RARB: variants seen among roughly 807,000 people sequenced by gnomAD.
RARB encodes HBV-activated protein.
In RARB, 17 loss-of-function variants were observed where a neutral mutation model predicts 51.9. The ratio of observed to expected loss-of-function variants is 0.33; its 90% CI spans 0.22 to 0.49. The LOEUF (loss-of-function observed/expected upper bound fraction) is 0.49, where lower values mean the gene tolerates loss of function less well. Among genes scored for constraint, RARB ranks in the 20% least tolerant of loss-of-function variants. The probability of loss-of-function intolerance (pLI) is 0.99; values close to 1 mark genes in which losing one functional copy is unlikely to be tolerated. For synonymous variants in RARB, 215 were observed against 195.4 expected (o/e 1.10, Z -0.84); for missense variants, 369 against 550.8 (o/e 0.67, Z 3.30).
intron 5 of RARB, among the ~76,000 whole-genome samples, chr3:25,328,336 A>G (rs1559359016): frequency 6.6e-6 from 1 of 152,216 alleles, no homozygotes; most frequent in African/African-American, 2.4e-5. Flanking sequence ...CCTGCCCAAC[A>G]GGGCAAAACC....
chr3:24,915,929 AG>A (rs1695097868), intron 2 of RARB, among the ~76,000 whole-genome samples: 1 of 152,178 alleles, frequency 6.6e-6, no homozygotes, highest in Admixed American at 6.5e-5. Flanking sequence ...GAGAGGCTGC[AG>A]AAAAGCAAGT....
chr3:25,301,677 G>T (rs1704042139), intron 5 of RARB, among the ~76,000 whole-genome samples: 1 of 152,286 alleles, frequency 6.6e-6, no homozygotes, highest in African/African-American at 2.4e-5. Context: ...CTAGAAGCAG[G>T]ACTTAAAGTG....
At chr3:25,435,706 G>T (rs1708404967) in intron 1 of RARB, among the ~76,000 whole-genome samples, 1 of 152,096 alleles carries the variant, frequency 6.6e-6, no homozygotes, top group Non-Finnish European at 1.5e-5. Context: ...ACAAGAAGCT[G>T]TATAAAAAGG....
At chr3:25,314,868 A>G (rs1371364262) in intron 5 of RARB, among the ~76,000 whole-genome samples, 2 of 152,094 alleles carry the variant, frequency 1.3e-5, no homozygotes, top group African/African-American at 4.8e-5. Context: ...CTTGTAGTCC[A>G]CAGTGTCTGT....
chr3:25,308,444 C>A (rs1253068464), intron 5 of RARB, among the ~76,000 whole-genome samples: 5 of 131,268 alleles, frequency 3.8e-5, no homozygotes, highest in Admixed American at 3.8e-4. Flanking sequence ...GGTTTTCTTT[C>A]TTTCTTTTTT....
At chr3:25,305,813 G>A (rs1192414867) in intron 5 of RARB, among the ~76,000 whole-genome samples, 2 of 152,180 alleles carry the variant, frequency 1.3e-5, no homozygotes, top group Admixed American at 6.5e-5. Flanking sequence ...AAGGGACTTT[G>A]GGTGTTATAT....
At chr3:24,855,918 AT>A (rs1702628309) in intron 1 of RARB, among the ~76,000 whole-genome samples, 1 of 151,584 alleles carries the variant, frequency 6.6e-6, no homozygotes, top group Non-Finnish European at 1.5e-5. Context: ...CGCCCAGCTA[AT>A]TTTTGTATTT....
At chr3:25,172,979 G>A (rs960144954) in intron 4 of RARB, among the ~76,000 whole-genome samples, 1 of 152,146 alleles carries the variant, frequency 6.6e-6, no homozygotes, top group African/African-American at 2.4e-5. Context: ...CTAGAATCAC[G>A]CTCTTAACAA....
chr3:25,238,156 C>CG (rs372680571), intron 5 of RARB, among the ~76,000 whole-genome samples: 1 of 151,866 alleles, frequency 6.6e-6, no homozygotes. Context: ...CAGCGCCCCC[C>CG]CACACATCCT....
chr3:25,050,821 A>G (rs1156398472), intron 2 of RARB, among the ~76,000 whole-genome samples: 1 of 152,244 alleles, frequency 6.6e-6, no homozygotes, highest in African/African-American at 2.4e-5. Context: ...AATATTGCTT[A>G]CATATGAAAA....
At chr3:25,524,612 C>G (rs776382578) in intron 3 of RARB, among the ~76,000 whole-genome samples, 2 of 138,164 alleles carry the variant, frequency 1.4e-5, no homozygotes, top group Non-Finnish European at 3.3e-5. Flanking sequence ...CTTCCCCCCT[C>G]CCTTCCTCCC....
chr3:25,090,037 C>T (rs1226303731), intron 3 of RARB, among the ~76,000 whole-genome samples: 2 of 152,012 alleles, frequency 1.3e-5, no homozygotes, highest in African/African-American at 2.4e-5. Context: ...ATACATTAAC[C>T]GAATGACAGA....
chr3:24,985,542 T>TA (rs2125429683), intron 2 of RARB, among the ~76,000 whole-genome samples: 1 of 152,294 alleles, frequency 6.6e-6, no homozygotes, highest in South Asian at 2.1e-4. Flanking sequence ...GGGAAAAATT[T>TA]AAAGGAGGAT....
chr3:24,947,843 T>C (rs1209680040), intron 2 of RARB, among the ~76,000 whole-genome samples: 1 of 152,174 alleles, frequency 6.6e-6, no homozygotes, highest in Non-Finnish European at 1.5e-5. Flanking sequence ...GGCCCAATTA[T>C]TTAGAATCAT....
At chr3:25,151,928 TA>T (rs1167200908) in intron 4 of RARB, among the ~76,000 whole-genome samples, 2 of 147,870 alleles carry the variant, frequency 1.4e-5, no homozygotes, top group Admixed American at 1.4e-4. Context: ...TTTTTTTTTT[TA>T]AAGTACAAAA....
intron 5 of RARB, among the ~76,000 whole-genome samples, chr3:25,254,669 G>C (rs1225425780): frequency 6.6e-6 from 1 of 152,152 alleles, no homozygotes; most frequent in Non-Finnish European, 1.5e-5. Flanking sequence ...GGGTGTTGCA[G>C]TGAGAAGGAA....
chr3:25,198,646 C>A (rs2125368812), intron 5 of RARB, among the ~76,000 whole-genome samples: 1 of 152,178 alleles, frequency 6.6e-6, no homozygotes, highest in Non-Finnish European at 1.5e-5. Flanking sequence ...ATAGATATTT[C>A]TCAAAAGAAG....
chr3:25,137,507 G>T (rs1477407537), intron 4 of RARB, among the ~76,000 whole-genome samples: 4 of 151,970 alleles, frequency 2.6e-5, no homozygotes, highest in Non-Finnish European at 5.9e-5. Context: ...AATTAGTTTG[G>T]TCAGATATAG....
intron 5 of RARB, among the ~76,000 whole-genome samples, chr3:25,348,169 C>G (rs2125455439): frequency 6.6e-6 from 1 of 152,236 alleles, no homozygotes; most frequent in East Asian, 1.9e-4. Flanking sequence ...AAATCTTGGC[C>G]TTACATTTTT....
Sources: allele counts gnomAD v4.1 joint callset (sites outside exome capture counted in the v4.1 genomes callset), GRCh38; gene constraint gnomAD v4.1.1; transcripts MANE v1.5; gene names NCBI Gene and HGNC (gene_info 2026-07-23, HGNC 2026-07-21).